Variants in KXD1 observed in about 807,000 individuals in gnomAD.
The protein encoded by KXD1 is KxDL motif containing 1.
Under a neutral mutation model 12.1 loss-of-function variants are expected in KXD1, and 5 were observed. The ratio of observed to expected loss-of-function variants is 0.41; its 90% CI spans 0.22 to 0.87. KXD1 has a LOEUF of 0.87. Among genes scored for constraint, KXD1 ranks in the 40% least tolerant of loss-of-function variants. KXD1 has a pLI of 0.31. For synonymous variants in KXD1, 98 were observed against 100.5 expected (o/e 0.98, Z 0.15); for missense variants, 193 against 244.9 (o/e 0.79, Z 1.41).
chr19:18,558,427 G>A (rs1190735406), intron 1 of KXD1: 1 of 152,154 alleles, frequency 6.6e-6, no homozygotes, highest in Non-Finnish European at 1.5e-5. Context: ...CCTCGTAACG[G>A]TGATTGAGGA....
chr19:18,561,934 C>G, intron 1 of KXD1, 102 bp from the exon 2 acceptor site: 1 of 653,214 alleles, frequency 1.5e-6, no homozygotes. Context: ...AGGATACCAC[C>G]ACGGTTGGGT....
rs759681931 is a variant in KXD1, at chr19:18,562,131, C to T, written c.75C>T (p.Asn25=). The change falls in exon 2 of 5, where the codon AAC becomes AAT. Residue 25 remains asparagine (N), a synonymous_variant. Transcript: ENST00000222307. ...GCATGGTGAACACAGATGATGTCAA[C>T]GCCATCATCCTGGCCCAGAAGAACA... ...ILSMVNTDDV[N]AIILAQKNML... The T allele has an allele frequency of 1.2e-5, 20 of 1,611,780 alleles. No homozygotes were observed. Among genetic ancestry groups the T allele is most frequent in the Middle Eastern group, 1.6e-4 (1 of 6,078 alleles).
intron 3 of KXD1, among the ~76,000 whole-genome samples, chr19:18,565,844 C>T (rs1283402752): frequency 1.3e-5 from 2 of 152,144 alleles, no homozygotes; most frequent in Admixed American, 6.6e-5. Context: ...CATGCTGCCA[C>T]GCCCAGCTGA....
Position 18,568,463 on chromosome 19 carries a change from G to A in KXD1, c.363G>A (p.Thr121=), listed in dbSNP as rs200382590. The change falls in exon 5 of 5, where the codon ACG becomes ACA. Residue 121 remains threonine (T), a synonymous_variant. Coordinates refer to ENST00000222307, the MANE Select transcript of KXD1 (RefSeq NM_024069.4). ...AAGACCCCATCCCACCCAGCACCAC[G>A]ACCACCATTGCCACCTCAGAACAGA... ...EDEDPIPPST[T]TTIATSEQST... 3.4e-5 allele frequency: 55 copies of A among 1,613,748 alleles called. No individual in the cohort carries two copies. Among genetic ancestry groups the A allele is most frequent in the Non-Finnish European group, 4.2e-5 (49 of 1,179,988 alleles).
At chr19:18,565,201 T>C (rs1207610395) in intron 3 of KXD1, 180 bp downstream of exon 3, 1 of 1,396,910 alleles carries the variant, frequency 7.2e-7, no homozygotes, top group East Asian at 2.5e-5. Flanking sequence ...GTAAGTTTAT[T>C]TACTGATTGA....
intron 2 of KXD1, among the ~76,000 whole-genome samples, chr19:18,562,859 C>T (rs569585729): frequency 1.5e-4 from 23 of 152,338 alleles, no homozygotes; most frequent in Admixed American, 3.3e-4. Context: ...TCTCTTGGAG[C>T]GGACATAAAG....
At chr19:18,559,472 T>A (rs1296815652) in intron 1 of KXD1, 1 of 152,222 alleles carries the variant, frequency 6.6e-6, no homozygotes, top group Admixed American at 6.5e-5. Flanking sequence ...ATAGATGCTC[T>A]TGGCCTCCAT....
intron 4 of KXD1, among the ~76,000 whole-genome samples, chr19:18,567,584 TGTGA>T (rs780958819): frequency 6.6e-5 from 10 of 152,166 alleles, no homozygotes; most frequent in African/African-American, 1.7e-4. Flanking sequence ...GGGTGGGGAC[TGTGA>T]GTATCACCGT....
intron 3 of KXD1, among the ~76,000 whole-genome samples, chr19:18,566,144 ATTC>A (rs1010233569): frequency 6.6e-6 from 1 of 151,758 alleles, no homozygotes; most frequent in Non-Finnish European, 1.5e-5. Flanking sequence ...CAGTTTATTT[ATTC>A]TTAAAAAATG....
Position 18,568,446 on chromosome 19 carries a change from A to T in KXD1, c.346A>T (p.Ile116Phe). ...CCTGGAGGAAGAGGATGAAGACCCC[A>T]TCCCACCCAGCACCACGACCACCAT... The part of the protein sequence containing the change: ...SFLEEEDEDP[I>F]PPSTTTTIAT... Residue 116 changes from isoleucine to phenylalanine, a missense_variant, in exon 5 of 5, where the codon ATC becomes TTC. Coordinates refer to ENST00000222307, the MANE Select transcript of KXD1 (RefSeq NM_024069.4). 6.2e-7 allele frequency: 1 copy of T among 1,614,050 alleles called. No homozygotes were observed. Among genetic ancestry groups the T allele is most frequent in the Non-Finnish European group, 8.5e-7 (1 of 1,180,006 alleles).
rs1351432004 is a variant in KXD1, at chr19:18,568,405, T to C, written c.305T>C (p.Ile102Thr). 5 of 1,612,248 alleles carry C rather than the reference T, an allele frequency of 3.1e-6. No homozygotes were observed. Among genetic ancestry groups the C allele is most frequent in the Admixed American group, 1.7e-5 (1 of 59,938 alleles). ...CTCTTGGGCCTCCTTCCCCCAGATA[T>C]CCCAGAGGCATCCTTCCTGGAGGAA... Reference protein sequence around the residue: ...ARQHPEAFSHIPEASFLEEED... With the variant: ...ARQHPEAFSHTPEASFLEEED... The change falls in exon 5 of 5, where the codon ATC becomes ACC. Residue 102 changes from isoleucine to threonine, a missense_variant. Transcript: ENST00000222307.
intron 3 of KXD1, among the ~76,000 whole-genome samples, chr19:18,566,855 G>A (rs1448057957): frequency 6.6e-6 from 1 of 152,152 alleles, no homozygotes; most frequent in East Asian, 1.9e-4. Flanking sequence ...CGCAGGGGGA[G>A]CCCCCAGCCA....
chr19:18,560,618 G>T (rs1039494414), intron 1 of KXD1: 1 of 152,190 alleles, frequency 6.6e-6, no homozygotes, highest in Non-Finnish European at 1.5e-5. Context: ...AGTTTGAAAA[G>T]TTCTGTTGCC....
intron 1 of KXD1, chr19:18,560,428 G>A (rs1004589983): frequency 6.6e-6 from 1 of 152,178 alleles, no homozygotes; most frequent in East Asian, 1.9e-4. Context: ...AGGAGGGTCA[G>A]TGCTGTAGCC....
intron 1 of KXD1, chr19:18,559,537 A>G (rs1974842025): frequency 6.6e-6 from 1 of 152,122 alleles, no homozygotes; most frequent in Non-Finnish European, 1.5e-5. Context: ...GCAATTTCCC[A>G]GAAAAAAAAA....
Position 18,559,735 on chromosome 19 carries a change from CAG to C in KXD1, c.-22+1822_-22+1823del, listed in dbSNP as rs528391477. On this transcript the variant is annotated intron_variant, in intron 1 of 4. Transcript: ENST00000222307. Reference sequence around the variant, plus strand: ...GCTGTGTGACAGTGGCCCAGTTTCTCAGTGTCCCTGAGCCTCAGTTTTCTCAT... The same window carrying C: ...GCTGTGTGACAGTGGCCCAGTTTCTCTGTCCCTGAGCCTCAGTTTTCTCAT... The C allele has an allele frequency of 3.3e-5, 5 of 152,256 alleles. No homozygotes were observed. The South Asian group carries it at 8.3e-4, about 25-fold the overall frequency. 9.4% of individuals were successfully genotyped at this position (152,256 alleles called of 1,614,324 possible).
rs1600602259 is a variant in KXD1, at chr19:18,568,718, G to A, written c.*87G>A. The A allele has an allele frequency of 9.0e-6, 9 of 1,004,056 alleles. No individual in the cohort carries two copies. In the East Asian group the frequency reaches 2.0e-4, roughly 23 times the overall value. 62.2% of individuals were successfully genotyped at this position (1,004,056 alleles called of 1,614,324 possible). A position where few individuals can be genotyped will look rare whatever the true frequency, so the allele number is the denominator to read the frequency against. Reference sequence around the variant, plus strand: ...ACCCTGCCTTGTTCTGTCATCCAGGGCTCCTTTGCTGCCCCGTTCTGTCAC... The same window carrying A: ...ACCCTGCCTTGTTCTGTCATCCAGGACTCCTTTGCTGCCCCGTTCTGTCAC... On this transcript the variant is annotated 3_prime_UTR_variant, in exon 5 of 5. Transcript: ENST00000222307.
chr19:18,565,888 G>A (rs542038301), intron 3 of KXD1, among the ~76,000 whole-genome samples: 1 of 152,200 alleles, frequency 6.6e-6, no homozygotes, highest in African/African-American at 2.4e-5. Context: ...AGATTTCACC[G>A]TGTTGCCCAG....
chr19:18,564,063 T>C (rs1253185550), intron 2 of KXD1, among the ~76,000 whole-genome samples: 1 of 152,052 alleles, frequency 6.6e-6, no homozygotes, highest in Non-Finnish European at 1.5e-5. Context: ...ATTTTTGTAT[T>C]TTTGGTAGAG....
Sources: gnomAD v4.1 joint callset for allele counts (sites outside exome capture counted in the v4.1 genomes callset) on GRCh38, gnomAD v4.1.1 for gene constraint, MANE v1.5 for transcripts, NCBI Gene and HGNC (gene_info 2026-07-23, HGNC 2026-07-21) for gene names.